Variants in EIF4G3 observed in about 807,000 individuals in gnomAD.
The protein encoded by EIF4G3 is eukaryotic translation initiation factor 4 gamma 3.
In EIF4G3, 34 loss-of-function variants were observed where a neutral mutation model predicts 186.4. That is an observed-to-expected ratio of 0.18 (90% CI 0.14 to 0.24). EIF4G3 has a LOEUF of 0.24. Ranked by LOEUF, EIF4G3 falls within the 10% of genes least tolerant of loss-of-function variation. The pLI, the probability that EIF4G3 is intolerant of heterozygous loss-of-function variation, is 1.00. For missense variants in EIF4G3, 1,536 were observed against 1,948.5 expected (o/e 0.79, Z 3.99); for synonymous variants, 673 against 679.5 (o/e 0.99, Z 0.15).
intron 4 of EIF4G3, among the ~76,000 whole-genome samples, chr1:21,033,780 T>C (rs1176080403): frequency 6.6e-6 from 1 of 152,168 alleles, no homozygotes; most frequent in African/African-American, 2.4e-5. Flanking sequence ...GATCAATCTT[T>C]CTAGTTAGAT....
chr1:21,012,898 C>A (rs2087617856), intron 4 of EIF4G3, among the ~76,000 whole-genome samples: 2 of 152,126 alleles, frequency 1.3e-5, no homozygotes, highest in African/African-American at 4.8e-5. Flanking sequence ...ACCGTGAGTT[C>A]CCCAAGTGTA....
chr1:21,063,211 G>A (rs1038456604), intron 3 of EIF4G3, among the ~76,000 whole-genome samples: 16 of 152,088 alleles, frequency 1.1e-4, no homozygotes, highest in Non-Finnish European at 2.4e-4. Flanking sequence ...ATGCTACGAC[G>A]CCCGGCTAAT....
intron 17 of EIF4G3, among the ~76,000 whole-genome samples, chr1:20,893,923 C>A (rs934565310): frequency 6.7e-6 from 1 of 148,932 alleles, no homozygotes; most frequent in Admixed American, 6.9e-5. Flanking sequence ...TGAGGACCAA[C>A]TGAATGGCAC....
chr1:20,817,673 T>C (rs1239378163), intron 33 of EIF4G3, 135 bp from the exon 34 acceptor site: 8 of 484,698 alleles, frequency 1.7e-5, no homozygotes, highest in East Asian at 3.9e-5. Context: ...GGCTATTTTA[T>C]GTTTGTAGTT....
intron 4 of EIF4G3, among the ~76,000 whole-genome samples, chr1:21,029,107 C>T (rs1423659132): frequency 6.6e-6 from 1 of 152,066 alleles, no homozygotes; most frequent in Admixed American, 6.6e-5. Flanking sequence ...AACCTCCACC[C>T]CCTAGGTCCA....
chr1:20,917,567 A>G (rs2154559221), intron 14 of EIF4G3, among the ~76,000 whole-genome samples: 1 of 152,316 alleles, frequency 6.6e-6, no homozygotes, highest in East Asian at 1.9e-4. Flanking sequence ...CTAAAATGCA[A>G]ACTAATCTGT....
intron 4 of EIF4G3, among the ~76,000 whole-genome samples, chr1:21,007,136 G>A (rs1047767974): frequency 2.0e-5 from 3 of 152,096 alleles, no homozygotes; most frequent in Admixed American, 6.5e-5. Context: ...GGTGGCTCAC[G>A]CCTGTAATCC....
At chr1:21,132,247 C>G (rs1202845551) in intron 2 of EIF4G3, among the ~76,000 whole-genome samples, 1 of 151,990 alleles carries the variant, frequency 6.6e-6, no homozygotes, top group Non-Finnish European at 1.5e-5. Context: ...TTATCATTTT[C>G]TAAACACCAT....
At chr1:21,038,226 C>T (rs2093351635) in intron 4 of EIF4G3, among the ~76,000 whole-genome samples, 1 of 152,168 alleles carries the variant, frequency 6.6e-6, no homozygotes. Context: ...CAAAGCTTAG[C>T]TTTTACTTAT....
At chr1:21,135,329 G>A (rs923035231) in intron 2 of EIF4G3, among the ~76,000 whole-genome samples, 3 of 152,024 alleles carry the variant, frequency 2.0e-5, no homozygotes, top group Admixed American at 6.6e-5. Flanking sequence ...GTGAAATCCC[G>A]TCTCTACTAA....
intron 2 of EIF4G3, among the ~76,000 whole-genome samples, chr1:21,117,547 AG>A (rs1279168896): frequency 1.3e-5 from 2 of 151,918 alleles, no homozygotes; most frequent in Non-Finnish European, 2.9e-5. Context: ...TAAATAAGGA[AG>A]TAAAATTCTC....
chr1:21,088,489 A>G (rs2096070396), intron 3 of EIF4G3, among the ~76,000 whole-genome samples: 1 of 152,236 alleles, frequency 6.6e-6, no homozygotes, highest in Admixed American at 6.5e-5. Flanking sequence ...CAAGGAGAAT[A>G]AAAAGTAAAA....
At chr1:21,022,962 G>A (rs993170150) in intron 4 of EIF4G3, among the ~76,000 whole-genome samples, 2 of 151,916 alleles carry the variant, frequency 1.3e-5, no homozygotes, top group Admixed American at 6.6e-5. Flanking sequence ...TCTTTCCTTC[G>A]AGGATGCTAA....
Position 20,822,065 on chromosome 1 carries a change from A to G in EIF4G3, c.4368+3035T>C, listed in dbSNP as rs1191827132. ...GCTAATTTTTGTATTTTTAGTAGAG[A>G]CGGGGATTCACCATGTTGGCCAGGC... On this transcript the variant is annotated intron_variant, in intron 33 of 36. Coordinates refer to ENST00000602326, the MANE Select transcript of EIF4G3 (RefSeq NM_001391906.1). Among the ~76,000 whole-genome samples the G allele has an allele frequency of 2.5e-4, 38 of 151,980 alleles. 1 individual carries two copies. The highest frequency in any genetic ancestry group is 5.9e-5 in the Non-Finnish European group (4 of 68,012).
intron 20 of EIF4G3, among the ~76,000 whole-genome samples, chr1:20,874,634 T>C (rs1398904643): frequency 6.6e-6 from 1 of 152,212 alleles, no homozygotes; most frequent in Non-Finnish European, 1.5e-5. Context: ...GTTAATGCAC[T>C]CCAAACAGAT....
At chr1:20,968,185 T>C (rs2075114568) in intron 12 of EIF4G3, among the ~76,000 whole-genome samples, 1 of 151,928 alleles carries the variant, frequency 6.6e-6, no homozygotes, top group Non-Finnish European at 1.5e-5. Flanking sequence ...CTTTTTTTTT[T>C]TTTTTTAAGA....
chr1:20,907,789 A>G (rs1212001532), intron 14 of EIF4G3, among the ~76,000 whole-genome samples: 1 of 151,982 alleles, frequency 6.6e-6, no homozygotes, highest in African/African-American at 2.4e-5. Flanking sequence ...AATCCAGTCT[A>G]TCATTGTTGG....
chr1:21,011,874 T>C (rs2087219182), intron 4 of EIF4G3, among the ~76,000 whole-genome samples: 2 of 152,328 alleles, frequency 1.3e-5, no homozygotes, highest in Admixed American at 1.3e-4. Context: ...AAAGCACTTG[T>C]AACACCATTA....
chr1:20,997,690 C>T (rs2082587992), intron 6 of EIF4G3, 57 bp from the exon 7 acceptor site: 3 of 1,430,146 alleles, frequency 2.1e-6, no homozygotes, highest in African/African-American at 3.0e-5. Context: ...TCAGAAACAC[C>T]ACAACAAAAA....
Sources: allele counts gnomAD v4.1 joint callset (sites outside exome capture counted in the v4.1 genomes callset), GRCh38; gene constraint gnomAD v4.1.1; transcripts MANE v1.5; gene names NCBI Gene and HGNC (gene_info 2026-07-23, HGNC 2026-07-21).